Variants in CCBE1 observed in about 807,000 individuals in gnomAD.
CCBE1 encodes the protein collagen and calcium binding EGF domains 1.
CCBE1 carries 37 observed loss-of-function variants against 50.0 expected under a neutral mutation model. The observed-to-expected ratio is 0.74, with a 90% confidence interval of 0.57 to 0.97. The LOEUF (loss-of-function observed/expected upper bound fraction) is 0.97, where lower values mean the gene tolerates loss of function less well. CCBE1 is among the 50% of genes least tolerant of loss of function. The probability of loss-of-function intolerance (pLI) is 0.00; values close to 1 mark genes in which losing one functional copy is unlikely to be tolerated. For synonymous variants in CCBE1, 234 were observed against 203.7 expected, an observed-to-expected ratio of 1.15 and a Z score of -1.27; for missense variants, 538 against 523.8, an observed-to-expected ratio of 1.03 and a Z score of -0.26.
chr18:59,579,643 G>A (rs141556161), intron 2 of CCBE1, among the ~76,000 whole-genome samples: 66 of 152,270 alleles, frequency 4.3e-4, no homozygotes, highest in African/African-American at 1.5e-3. Flanking sequence ...GGCCCTCGGC[G>A]GTTCCTACAT....
intron 2 of CCBE1, among the ~76,000 whole-genome samples, chr18:59,495,168 T>A (rs150019797): frequency 1.3e-5 from 2 of 152,070 alleles, no homozygotes; most frequent in African/African-American, 4.8e-5. Flanking sequence ...CTCATGTTTC[T>A]TTTTTTCCCC....
chr18:59,610,815 C>T (rs2053558745), intron 2 of CCBE1, among the ~76,000 whole-genome samples: 1 of 152,232 alleles, frequency 6.6e-6, no homozygotes. Flanking sequence ...AGCCAGCTAG[C>T]AAAGTGGGTT....
chr18:59,651,641 C>G (rs182940544), intron 2 of CCBE1, among the ~76,000 whole-genome samples: 1 of 152,288 alleles, frequency 6.6e-6, no homozygotes, highest in Admixed American at 6.5e-5. Flanking sequence ...TTCTGCAGCT[C>G]TAAATATGGC....
intron 2 of CCBE1, among the ~76,000 whole-genome samples, chr18:59,499,671 C>A (rs547183977): frequency 1.3e-5 from 2 of 152,302 alleles, no homozygotes; most frequent in South Asian, 4.1e-4. Flanking sequence ...TACCTCCCAC[C>A]AGGTTCCTCC....
At chr18:59,543,840 A>AG (rs1915570905) in intron 2 of CCBE1, among the ~76,000 whole-genome samples, 1 of 145,062 alleles carries the variant, frequency 6.9e-6, no homozygotes, top group Non-Finnish European at 1.5e-5. Context: ...GTCTCAAAAA[A>AG]AAAAAAAAAA....
intron 2 of CCBE1, among the ~76,000 whole-genome samples, chr18:59,518,501 A>G (rs950876548): frequency 1.1e-4 from 17 of 152,184 alleles, no homozygotes; most frequent in African/African-American, 3.9e-4. Flanking sequence ...TTGTTAATGG[A>G]TCTTCTCTTG....
In CCBE1 at chr18:59,529,911, T is replaced by G. The variant is rs552210415; in HGVS notation, c.213-49673A>C. On this transcript the variant is annotated intron_variant, in intron 2 of 10. Coordinates refer to ENST00000439986, the MANE Select transcript of CCBE1 (RefSeq NM_133459.4). ...TCAAACCTATACTGTCTTGAATGCA[T>G]AGGGTCTTGTTCTGAAGTTCTCAGA... Among the ~76,000 whole-genome samples the G allele has an allele frequency of 7.9e-5, 12 of 152,312 alleles. No individual in the cohort carries two copies. In the East Asian group the frequency reaches 2.3e-3, roughly 29 times the overall value.
intron 2 of CCBE1, among the ~76,000 whole-genome samples, chr18:59,693,337 T>C (rs2054761654): frequency 6.6e-6 from 1 of 152,224 alleles, no homozygotes; most frequent in Admixed American, 6.5e-5. Context: ...GTTTCATTTG[T>C]GACCAGCTTT....
intron 2 of CCBE1, among the ~76,000 whole-genome samples, chr18:59,672,717 AT>A (rs543140675): frequency 1.9e-3 from 283 of 152,292 alleles, no homozygotes; most frequent in African/African-American, 6.5e-3. Context: ...CAAGAGAATA[AT>A]TTTTTTAGGC....
At chr18:59,597,063 C>T (rs1243110138) in intron 2 of CCBE1, among the ~76,000 whole-genome samples, 1 of 152,228 alleles carries the variant, frequency 6.6e-6, no homozygotes, top group East Asian at 1.9e-4. Context: ...TAATCTTGAG[C>T]TGGCCAGGGC....
chr18:59,551,429 C>A (rs1915926772), intron 2 of CCBE1, among the ~76,000 whole-genome samples: 1 of 152,162 alleles, frequency 6.6e-6, no homozygotes, highest in Non-Finnish European at 1.5e-5. Flanking sequence ...CATTACTGTA[C>A]AATGCTGTAG....
chr18:59,656,328 A>C (rs973964658), intron 2 of CCBE1, among the ~76,000 whole-genome samples: 5 of 152,206 alleles, frequency 3.3e-5, no homozygotes, highest in African/African-American at 1.2e-4. Flanking sequence ...ATAGAGCAGA[A>C]ATTTTAATCA....
chr18:59,533,224 T>C (rs1005768261), intron 2 of CCBE1, among the ~76,000 whole-genome samples: 4 of 152,214 alleles, frequency 2.6e-5, no homozygotes, highest in African/African-American at 9.6e-5. Flanking sequence ...AGACTTCATG[T>C]TAGAATTTTG....
intron 2 of CCBE1, among the ~76,000 whole-genome samples, chr18:59,526,304 T>C (rs1387113394): frequency 1.4e-5 from 2 of 142,478 alleles, no homozygotes; most frequent in Non-Finnish European, 3.0e-5. Flanking sequence ...GGATGCTGAT[T>C]TGAGATTTTT....
chr18:59,640,803 A>C (rs1254886799), intron 2 of CCBE1, among the ~76,000 whole-genome samples: 1 of 152,192 alleles, frequency 6.6e-6, no homozygotes, highest in Non-Finnish European at 1.5e-5. Flanking sequence ...AAATCCAAAC[A>C]ACCCCACTAA....
chr18:59,563,621 C>A (rs1285756230), intron 2 of CCBE1: 1 of 152,174 alleles, frequency 6.6e-6, no homozygotes, highest in Non-Finnish European at 1.5e-5. Flanking sequence ...AGCTCAGCAC[C>A]AGGGCTATGA....
chr18:59,454,684 T>G (rs1226521299), intron 6 of CCBE1, among the ~76,000 whole-genome samples, 167 bp downstream of exon 6: 4 of 152,260 alleles, frequency 2.6e-5, no homozygotes, highest in Non-Finnish European at 5.9e-5. Context: ...GCCCCTTGGA[T>G]GGCTCTGAGG....
chr18:59,532,733 T>A (rs1915099834), intron 2 of CCBE1, among the ~76,000 whole-genome samples: 1 of 152,270 alleles, frequency 6.6e-6, no homozygotes, highest in Non-Finnish European at 1.5e-5. Flanking sequence ...TGCTATCTGA[T>A]TCCAAAGTTC....
At chr18:59,440,344 G>A (rs1456248752) in intron 7 of CCBE1, among the ~76,000 whole-genome samples, 2 of 152,140 alleles carry the variant, frequency 1.3e-5, no homozygotes, top group African/African-American at 4.8e-5. Flanking sequence ...TCTTCCTTAT[G>A]GAGTAGTTGC....
Sources: gnomAD v4.1 joint callset for allele counts (sites outside exome capture counted in the v4.1 genomes callset) on GRCh38, gnomAD v4.1.1 for gene constraint, MANE v1.5 for transcripts, NCBI Gene and HGNC (gene_info 2026-07-23, HGNC 2026-07-21) for gene names.